The following CLIP2 variants were observed in gnomAD, a reference collection of about 807,000 sequenced individuals.
CLIP2 encodes the protein CAP-Gly domain containing linker protein 2.
A neutral mutation model predicts 111.7 loss-of-function variants in CLIP2; 41 were observed. The observed-to-expected ratio is 0.37, with a 90% CI of 0.29 to 0.48. CLIP2 has a LOEUF of 0.48. Among genes scored for constraint, CLIP2 ranks in the 20% least tolerant of loss-of-function variants. CLIP2 has a pLI of 0.99. For missense variants in CLIP2, 1,160 were observed against 1,422.1 expected (o/e 0.82, Z 2.96); for synonymous variants, 660 against 644.2 (o/e 1.02, Z -0.37).
chr7:74,302,416 T>G (rs1554726992), intron 1 of CLIP2, among the ~76,000 whole-genome samples: 1 of 152,088 alleles, frequency 6.6e-6, no homozygotes, highest in Non-Finnish European at 1.5e-5. Flanking sequence ...GGTTTCACCA[T>G]GTTGGCCAGG....
intron 3 of CLIP2, among the ~76,000 whole-genome samples, chr7:74,349,995 G>T (rs1789937525): frequency 6.6e-6 from 1 of 152,024 alleles, no homozygotes; most frequent in Admixed American, 6.6e-5. Context: ...GTTGTCAGGG[G>T]CTGTCAGGAA....
rs781901102 is a variant in CLIP2 at position 74,380,873 on chromosome 7, C to G, written c.2479+10C>G. The G allele has an allele frequency of 6.2e-7, 1 of 1,613,546 alleles. No homozygotes were observed. The highest frequency in any genetic ancestry group is 8.5e-7 in the Non-Finnish European group (1 of 1,179,564). Reference sequence around the variant, plus strand: ...AAGGAAACTGTGGAGGGTGAGTGGCCACCAGGCCGGGCGGGACTCTGGGCT... The same window carrying G: ...AAGGAAACTGTGGAGGGTGAGTGGCGACCAGGCCGGGCGGGACTCTGGGCT... On this transcript the variant is annotated intron_variant, in intron 11 of 16. Coordinates refer to ENST00000223398, the MANE Select transcript of CLIP2 (RefSeq NM_003388.5).
chr7:74,300,988 T>C (rs369446803), intron 1 of CLIP2, among the ~76,000 whole-genome samples: 1 of 152,228 alleles, frequency 6.6e-6, no homozygotes, highest in Non-Finnish European at 1.5e-5. Flanking sequence ...CTATGTTCAG[T>C]TCTTTGAGAA....
At chr7:74,290,593 A>G (rs1554725231) in intron 1 of CLIP2, among the ~76,000 whole-genome samples, 1 of 152,110 alleles carries the variant, frequency 6.6e-6, no homozygotes. Context: ...TGTGTCCCCC[A>G]ACGTCTGAGA....
At chr7:74,311,187 G>T (rs1475845292) in intron 1 of CLIP2, among the ~76,000 whole-genome samples, 1 of 152,050 alleles carries the variant, frequency 6.6e-6, no homozygotes, top group Non-Finnish European at 1.5e-5. Context: ...CACTGTGTTA[G>T]CCAGAATGGT....
chr7:74,360,129 A>G, intron 6 of CLIP2, 46 bp from the exon 7 acceptor site: 1 of 1,498,098 alleles, frequency 6.7e-7, no homozygotes, highest in Non-Finnish European at 9.1e-7. Flanking sequence ...TGGACCCCAT[A>G]CCCCGGAGCA....
intron 2 of CLIP2, among the ~76,000 whole-genome samples, chr7:74,326,420 G>C (rs1554730672): frequency 6.6e-6 from 1 of 152,168 alleles, no homozygotes; most frequent in Non-Finnish European, 1.5e-5. Context: ...ACAGGTGGAT[G>C]GGAGGAGGAC....
At position 74,312,868 on chromosome 7, in the gene CLIP2, A is replaced by G. The variant is rs144260257; in HGVS notation, c.-67-4612A>G. Among the ~76,000 whole-genome samples the G allele has an allele frequency of 3.7e-3, 566 of 152,138 alleles. 5 individuals are homozygous for G. Among genetic ancestry groups the G allele is most frequent in the African/African-American group, 0.013 (550 of 41,504 alleles). ...AACTGCCAGTCTGAGGGAGGAAGTG[A>G]TCCTTCACTCGGATGTGCCAGGACA... On this transcript the variant is annotated intron_variant, in intron 1 of 16. Coordinates refer to ENST00000223398, the MANE Select transcript of CLIP2 (RefSeq NM_003388.5).
intron 2 of CLIP2, among the ~76,000 whole-genome samples, chr7:74,329,994 G>A (rs1242234629): frequency 6.6e-6 from 1 of 151,970 alleles, no homozygotes; most frequent in African/African-American, 2.4e-5. Context: ...GGTCAGGCTG[G>A]TCTCGAACTC....
intron 11 of CLIP2, chr7:74,381,631 G>T (rs1329116796): frequency 4.4e-6 from 2 of 456,026 alleles, no homozygotes; most frequent in African/African-American, 4.0e-5. Context: ...TTTTGTGCAG[G>T]TACGAGCAAG....
At chr7:74,364,352 C>A (rs782276110) in intron 8 of CLIP2, 37 bp downstream of exon 8, 12 of 1,580,710 alleles carry the variant, frequency 7.6e-6, no homozygotes, top group Non-Finnish European at 9.5e-6. Context: ...GCACACTTAG[C>A]ACCGGTGCCT....
At chr7:74,359,602 G>A (rs1290623214) in intron 6 of CLIP2, among the ~76,000 whole-genome samples, 35 of 152,166 alleles carry the variant, frequency 2.3e-4, no homozygotes, top group African/African-American at 3.9e-4. Context: ...TGATCCGCCC[G>A]CCTTGGCCTC....
chr7:74,399,099 A>G (rs913992562), intron 14 of CLIP2, among the ~76,000 whole-genome samples: 4 of 30,110 alleles, frequency 1.3e-4, no homozygotes, highest in Non-Finnish European at 3.1e-4. Flanking sequence ...GGGTCAGAGC[A>G]GGCAGGACTG....
chr7:74,301,034 T>C (rs1251166589), intron 1 of CLIP2, among the ~76,000 whole-genome samples: 3 of 152,228 alleles, frequency 2.0e-5, no homozygotes, highest in African/African-American at 7.2e-5. Context: ...TTGTACTAAT[T>C]TACATTCTTA....
intron 1 of CLIP2, among the ~76,000 whole-genome samples, chr7:74,294,507 C>G (rs375390134): frequency 6.6e-6 from 1 of 152,182 alleles, no homozygotes. Context: ...GAGCGACACC[C>G]GCTCCCGATT....
rs1251622725 is a variant in CLIP2, at chr7:74,298,519, A to ATTTAT, written c.-68+8807_-68+8811dup. 1.8e-3 allele frequency among the ~76,000 whole-genome samples: 272 copies of ATTTAT among 149,452 alleles called. No homozygotes were observed. The Middle Eastern group carries it at 0.021, about 12-fold the overall frequency. ...ACACCTGGCCCCTGTCTCTATTTTT[A>ATTTAT]TTTATTTTATTTTATTTTATTTTAT... On this transcript the variant is annotated intron_variant, in intron 1 of 16. Coordinates refer to ENST00000223398, the MANE Select transcript of CLIP2 (RefSeq NM_003388.5).
chr7:74,391,810 ACTCTGT>A (rs531164048), intron 13 of CLIP2, among the ~76,000 whole-genome samples: 68 of 151,980 alleles, frequency 4.5e-4, no homozygotes, highest in African/African-American at 1.5e-3. Flanking sequence ...ATAGAGTGAG[ACTCTGT>A]CTCAAAGAAG....
At chr7:74,400,681 C>T in intron 15 of CLIP2, 126 bp downstream of exon 15, 2 of 950,698 alleles carry the variant, frequency 2.1e-6, no homozygotes, top group Non-Finnish European at 1.5e-6. Context: ...GAGCTCGTCC[C>T]AGGAACCTGG....
chr7:74,350,971 AAAGG>A (rs1207401040), intron 3 of CLIP2, among the ~76,000 whole-genome samples: 16 of 144,422 alleles, frequency 1.1e-4, no homozygotes, highest in Admixed American at 1.1e-3. Context: ...GAAGGGAAGG[AAAGG>A]AAGGAAGGGA....
Sources: allele counts gnomAD v4.1 joint callset (sites outside exome capture counted in the v4.1 genomes callset), GRCh38; gene constraint gnomAD v4.1.1; transcripts MANE v1.5; gene names NCBI Gene and HGNC (gene_info 2026-07-23, HGNC 2026-07-21).